SPON1: variants seen among roughly 807,000 people sequenced by gnomAD.
SPON1 encodes the protein spondin-1.
Under a neutral mutation model 111.7 loss-of-function variants are expected in SPON1, and 52 were observed. That is an observed-to-expected ratio of 0.47 (90% CI 0.37 to 0.59). SPON1 has a LOEUF of 0.59. SPON1 is among the 20% of genes least tolerant of loss of function. The pLI, the probability that SPON1 is intolerant of heterozygous loss-of-function variation, is 0.00. For missense variants in SPON1, 957 were observed against 1,068.5 expected (o/e 0.90, Z 1.46); for synonymous variants, 410 against 395.8 (o/e 1.04, Z -0.43).
chr11:14,143,593 G>A (rs1426409280), intron 6 of SPON1, among the ~76,000 whole-genome samples: 2 of 151,976 alleles, frequency 1.3e-5, no homozygotes, highest in Non-Finnish European at 2.9e-5. Context: ...GAAACTGAAG[G>A]TAGAAGATAA....
At chr11:14,100,973 G>A (rs1410057615) in intron 5 of SPON1, among the ~76,000 whole-genome samples, 1 of 152,100 alleles carries the variant, frequency 6.6e-6, no homozygotes, top group African/African-American at 2.4e-5. Context: ...TGCTTCCTAG[G>A]TGATCAAATC....
At chr11:13,972,026 T>G (rs961619191) in intron 1 of SPON1, among the ~76,000 whole-genome samples, 4 of 152,242 alleles carry the variant, frequency 2.6e-5, no homozygotes, top group African/African-American at 9.6e-5. Flanking sequence ...CTGGGCCATA[T>G]GTCAGCCCTT....
At chr11:14,030,621 A>C (rs1848551677) in intron 2 of SPON1, among the ~76,000 whole-genome samples, 1 of 152,230 alleles carries the variant, frequency 6.6e-6, no homozygotes, top group Non-Finnish European at 1.5e-5. Flanking sequence ...AAGGGATGCT[A>C]GTTCAGAGAC....
intron 5 of SPON1, among the ~76,000 whole-genome samples, chr11:14,089,189 T>G (rs1399556513): frequency 6.6e-6 from 1 of 152,134 alleles, no homozygotes. Context: ...GGAGTTGTGA[T>G]CCTTTGTAGG....
At chr11:14,040,187 A>G (rs1848622080) in intron 2 of SPON1, among the ~76,000 whole-genome samples, 1 of 152,204 alleles carries the variant, frequency 6.6e-6, no homozygotes, top group Admixed American at 6.5e-5. Context: ...CAAGTACAGC[A>G]GCATGAGGTT....
At chr11:14,263,255 CTT>C (rs1481061947) in intron 15 of SPON1, among the ~76,000 whole-genome samples, 3 of 152,052 alleles carry the variant, frequency 2.0e-5, no homozygotes, top group African/African-American at 7.2e-5. Flanking sequence ...AGCAAAGAAT[CTT>C]TAGGAATTAC....
chr11:13,968,268 A>C (rs782076086), intron 1 of SPON1, among the ~76,000 whole-genome samples: 1 of 152,210 alleles, frequency 6.6e-6, no homozygotes, highest in Non-Finnish European at 1.5e-5. Context: ...ACAAGAGGTA[A>C]ATGGGAGATC....
intron 1 of SPON1, among the ~76,000 whole-genome samples, chr11:13,972,565 G>A (rs1482238984): frequency 6.6e-6 from 1 of 152,162 alleles, no homozygotes; most frequent in Non-Finnish European, 1.5e-5. Context: ...GCAACTCAGA[G>A]TCTAGGATAG....
chr11:13,987,214 C>T (rs899909939), intron 2 of SPON1, among the ~76,000 whole-genome samples: 36 of 152,326 alleles, frequency 2.4e-4, no homozygotes, highest in African/African-American at 7.9e-4. Flanking sequence ...TCTACATCCT[C>T]TCCAGCATCT....
chr11:14,032,113 G>A (rs1399953994), intron 2 of SPON1, among the ~76,000 whole-genome samples: 1 of 152,048 alleles, frequency 6.6e-6, no homozygotes, highest in Admixed American at 6.6e-5. Context: ...AATTTTATTG[G>A]GATTGTACAT....
intron 1 of SPON1, among the ~76,000 whole-genome samples, chr11:13,975,275 A>C (rs571618690): frequency 1.1e-4 from 16 of 152,304 alleles, no homozygotes; most frequent in African/African-American, 3.6e-4. Flanking sequence ...CCAAATGCTC[A>C]GTAAAGATAA....
At chr11:13,988,625 C>T (rs1437206819) in intron 2 of SPON1, among the ~76,000 whole-genome samples, 3 of 152,050 alleles carry the variant, frequency 2.0e-5, no homozygotes, top group Non-Finnish European at 4.4e-5. Context: ...TGTCCTGTGC[C>T]GGTTTTCAAA....
intron 6 of SPON1, among the ~76,000 whole-genome samples, chr11:14,212,855 C>T (rs1039102899): frequency 3.3e-5 from 5 of 152,086 alleles, no homozygotes; most frequent in Non-Finnish European, 7.3e-5. Flanking sequence ...CTCTGATAAT[C>T]GAATGTCTGA....
At chr11:14,008,430 T>C (rs1848380342) in intron 2 of SPON1, among the ~76,000 whole-genome samples, 2 of 152,168 alleles carry the variant, frequency 1.3e-5, no homozygotes, top group East Asian at 3.9e-4. Context: ...TCTGGAAGGC[T>C]TGTCCTCCCA....
At chr11:13,976,333 A>G (rs373762250) in intron 1 of SPON1, among the ~76,000 whole-genome samples, 69 of 152,288 alleles carry the variant, frequency 4.5e-4, no homozygotes, top group Admixed American at 3.1e-3. Context: ...TTTACTGCCA[A>G]GCAGTCATTT....
chr11:14,028,177 T>G (rs781848016), intron 2 of SPON1, among the ~76,000 whole-genome samples: 4 of 152,056 alleles, frequency 2.6e-5, no homozygotes, highest in Admixed American at 2.6e-4. Flanking sequence ...GGATACAAAG[T>G]GTTAGCAAGA....
chr11:14,265,457 A>G (rs1849253727), intron 15 of SPON1, 67 bp from the exon 16 acceptor site: 2 of 1,515,190 alleles, frequency 1.3e-6, no homozygotes, highest in South Asian at 2.5e-5. Flanking sequence ...TCACAGTTCT[A>G]CTAGAGTTCA....
intron 5 of SPON1, among the ~76,000 whole-genome samples, chr11:14,091,747 A>G (rs1340734564): frequency 4.6e-5 from 7 of 152,070 alleles, no homozygotes; most frequent in Non-Finnish European, 7.4e-5. Flanking sequence ...AGTGGGCTCT[A>G]GCCTTGGCCA....
chr11:14,174,553 T>C (rs1350517546), intron 6 of SPON1, among the ~76,000 whole-genome samples: 22 of 152,114 alleles, frequency 1.4e-4, no homozygotes, highest in East Asian at 1.9e-4. Context: ...GGTTTTTTTT[T>C]TCCCCAAAAT....
Sources: allele counts gnomAD v4.1 joint callset (sites outside exome capture counted in the v4.1 genomes callset), GRCh38; gene constraint gnomAD v4.1.1; transcripts MANE v1.5; gene names NCBI Gene and HGNC (gene_info 2026-07-23, HGNC 2026-07-21).